The following RORA variants were observed in gnomAD, a reference collection of about 807,000 sequenced individuals.
RORA encodes nuclear receptor ROR-alpha.
Under a neutral mutation model 69.5 loss-of-function variants are expected in RORA, and 7 were observed. The observed-to-expected ratio is 0.10, with a 90% CI of 0.06 to 0.19. RORA has a LOEUF of 0.19. Ranked by LOEUF, RORA falls within the 10% of genes least tolerant of loss-of-function variation. The pLI is 1.00. For missense variants in RORA, 457 were observed against 663.0 expected (o/e 0.69, Z 3.41); for synonymous variants, 261 against 240.8 (o/e 1.08, Z -0.78).
At chr15:60,556,719 T>C in intron 2 of RORA, 1 of 695,564 alleles carries the variant, frequency 1.4e-6, no homozygotes, top group Non-Finnish European at 2.5e-6. Context: ...TGCCTGGAAG[T>C]TCACGGCTTC....
intron 10 of RORA, 62 bp from the exon 11 acceptor site, chr15:60,497,681 G>T: frequency 7.8e-7 from 1 of 1,288,104 alleles, no homozygotes; most frequent in Non-Finnish European, 1.1e-6. Flanking sequence ...AAAGATCAGG[G>T]AACCTGAATG....
intron 1 of RORA, among the ~76,000 whole-genome samples, chr15:60,886,432 C>T (rs1595792669): frequency 6.6e-6 from 1 of 152,154 alleles, no homozygotes; most frequent in Non-Finnish European, 1.5e-5. Flanking sequence ...CGTCTTTTGC[C>T]TACAACCAAG....
chr15:61,080,156 G>A (rs116250671), intron 1 of RORA, among the ~76,000 whole-genome samples: 105 of 152,188 alleles, frequency 6.9e-4, no homozygotes, highest in African/African-American at 2.3e-3. Flanking sequence ...TCAGGGCTTC[G>A]CGCTCTTTTC....
At chr15:60,773,161 A>G (rs1009848696) in intron 1 of RORA, among the ~76,000 whole-genome samples, 8 of 152,318 alleles carry the variant, frequency 5.3e-5, no homozygotes, top group Admixed American at 3.9e-4. Flanking sequence ...GCCTTGATCC[A>G]TCTTGACAAG....
At chr15:60,502,713 T>C in intron 8 of RORA, 47 bp downstream of exon 8, 1 of 1,176,074 alleles carries the variant, frequency 8.5e-7, no homozygotes, top group Admixed American at 1.9e-5. Context: ...CCCGCATCTT[T>C]TCCTATAGCC....
At chr15:60,738,455 G>C (rs2071531418) in intron 1 of RORA, among the ~76,000 whole-genome samples, 1 of 152,182 alleles carries the variant, frequency 6.6e-6, no homozygotes, top group South Asian at 2.1e-4. Context: ...AATCAATTCA[G>C]GGCCTCAGGG....
intron 1 of RORA, among the ~76,000 whole-genome samples, chr15:61,059,976 GGAAGAGGAAGAGGAA>G (rs2078153650): frequency 7.8e-5 from 7 of 89,380 alleles, no homozygotes; most frequent in East Asian, 3.3e-4. Context: ...AAGAGGAAGA[GGAAGAGGAAGAGGAA>G]GAAGAAGAAG....
intron 1 of RORA, among the ~76,000 whole-genome samples, chr15:61,185,535 G>A (rs2079732971): frequency 6.6e-6 from 1 of 152,096 alleles, no homozygotes; most frequent in African/African-American, 2.4e-5. Flanking sequence ...CTAAACTTCT[G>A]GCCAGCCACA....
intron 1 of RORA, among the ~76,000 whole-genome samples, chr15:61,053,327 C>A (rs1341256358): frequency 6.6e-6 from 1 of 151,780 alleles, no homozygotes; most frequent in African/African-American, 2.4e-5. Flanking sequence ...TCCCGGGAGA[C>A]TCCATGGTAG....
chr15:61,065,981 G>A (rs2140564349), intron 1 of RORA, among the ~76,000 whole-genome samples: 1 of 152,314 alleles, frequency 6.6e-6, no homozygotes, highest in Non-Finnish European at 1.5e-5. Flanking sequence ...TCAGTGGAAA[G>A]CCAACAACTG....
intron 1 of RORA, among the ~76,000 whole-genome samples, chr15:60,931,293 G>C (rs575678547): frequency 2.5e-4 from 38 of 152,314 alleles, no homozygotes; most frequent in African/African-American, 8.2e-4. Context: ...CAGAAGTGAA[G>C]GGCAGCCTAC....
In RORA at chr15:60,493,988, C is replaced by A. The variant is rs2065105201; in HGVS notation, c.*3467G>T. 7.4e-6 allele frequency: 1 copy of A among 134,474 alleles called. No homozygotes were observed. The highest frequency in any genetic ancestry group is 2.7e-5 in the African/African-American group (1 of 37,324). 8.3% of individuals were successfully genotyped at this position (134,474 alleles called of 1,614,324 possible). A position where few individuals can be genotyped will look rare whatever the true frequency, so the allele number is the denominator to read the frequency against. ...ACACACACACACACACACACACACA[C>A]TCCTTCCTCACCTGACCCTCAGCCC... On this transcript the variant is annotated 3_prime_UTR_variant, in exon 11 of 11. Transcript: ENST00000335670.
chr15:61,150,118 A>G (rs2079385221), intron 1 of RORA, among the ~76,000 whole-genome samples: 1 of 152,238 alleles, frequency 6.6e-6, no homozygotes, highest in Non-Finnish European at 1.5e-5. Context: ...AACACCCCTT[A>G]TAAATTAACT....
intron 1 of RORA, among the ~76,000 whole-genome samples, chr15:61,139,362 T>C: frequency 6.6e-6 from 1 of 152,158 alleles, no homozygotes; most frequent in East Asian, 1.9e-4. Context: ...CTAAATAGAT[T>C]AGAAGAATCA....
At chr15:60,650,077 C>T (rs1331515353) in intron 2 of RORA, among the ~76,000 whole-genome samples, 1 of 152,114 alleles carries the variant, frequency 6.6e-6, no homozygotes, top group African/African-American at 2.4e-5. Flanking sequence ...TAAGACTTAG[C>T]AGAACTTTAT....
chr15:60,540,829 A>C lies in RORA; in HGVS notation c.197-8978T>G, dbSNP rs1305454292. Among the ~76,000 whole-genome samples the C allele has an allele frequency of 2.0e-5, 3 of 152,176 alleles. 1 individual carries two copies. Among genetic ancestry groups the C allele is most frequent in the Non-Finnish European group, 2.9e-5 (2 of 68,032 alleles). ...AATAACTTAGAACATTAAACCTTGA[A>C]AATGCATTTACATCCCTCTATAGCA... On this transcript the variant is annotated intron_variant, in intron 2 of 10. Coordinates refer to ENST00000335670, the MANE Select transcript of RORA (RefSeq NM_134261.3).
intron 1 of RORA, among the ~76,000 whole-genome samples, chr15:60,748,308 C>T (rs1175949236): frequency 4.5e-5 from 2 of 44,476 alleles, no homozygotes; most frequent in Non-Finnish European, 5.3e-5. Flanking sequence ...ATATAATTAG[C>T]GAAAAAAAAA....
intron 1 of RORA, among the ~76,000 whole-genome samples, chr15:61,217,555 C>T (rs558587441): frequency 6.6e-6 from 1 of 152,230 alleles, no homozygotes; most frequent in Admixed American, 6.5e-5. Context: ...ACCATAAATG[C>T]CTGGTCTGAG....
At chr15:60,683,641 T>TACACACACACACAC (rs1212373710) in intron 1 of RORA, among the ~76,000 whole-genome samples, 4 of 47,858 alleles carry the variant, frequency 8.4e-5, no homozygotes, top group Middle Eastern at 0.012. Context: ...TTTACCCAGA[T>TACACACACACACAC]ACACATACAC....
Sources: allele counts gnomAD v4.1 joint callset (sites outside exome capture counted in the v4.1 genomes callset), GRCh38; gene constraint gnomAD v4.1.1; transcripts MANE v1.5; gene names NCBI Gene and HGNC (gene_info 2026-07-23, HGNC 2026-07-21).